Variants in TNR observed in about 807,000 individuals in gnomAD.
TNR encodes the protein tenascin-R.
TNR carries 45 observed loss-of-function variants against 150.4 expected under a neutral mutation model. The observed-to-expected ratio is 0.30, with a 90% CI of 0.24 to 0.38. TNR has a LOEUF of 0.38. Ranked by LOEUF, TNR falls within the 10% of genes least tolerant of loss-of-function variation. The pLI, the probability that TNR is intolerant of heterozygous loss-of-function variation, is 1.00. For synonymous variants in TNR, 687 were observed against 678.4 expected (o/e 1.01, Z -0.20); for missense variants, 1,544 against 1,759.1 (o/e 0.88, Z 2.19).
chr1:175,420,220 C>A (rs1165072070), intron 2 of TNR, among the ~76,000 whole-genome samples: 1 of 152,198 alleles, frequency 6.6e-6, no homozygotes, highest in Non-Finnish European at 1.5e-5. Flanking sequence ...ACTGACCAAC[C>A]CGTGGCTGTC....
chr1:175,409,023 A>AT (rs1654084828), intron 2 of TNR, among the ~76,000 whole-genome samples: 3 of 152,334 alleles, frequency 2.0e-5, no homozygotes, highest in East Asian at 3.9e-4. Flanking sequence ...TTGGAATCAA[A>AT]TTGCCCTCCT....
Position 175,331,067 on chromosome 1 carries a change from T to TTCCTTC in TNR, c.3632-833_3632-832insGAAGGA, listed in dbSNP as rs1291703152. 1.3e-3 allele frequency among the ~76,000 whole-genome samples: 169 copies of TTCCTTC among 128,800 alleles called. 3 individuals are homozygous for TTCCTTC. Among genetic ancestry groups the TTCCTTC allele is most frequent in the African/African-American group, 3.3e-3 (104 of 31,854 alleles). 84.5% of individuals were successfully genotyped at this position (128,800 alleles called of 152,430 possible). On this transcript the variant is annotated intron_variant, in intron 20 of 22. Transcript: ENST00000367674. ...TTTCTTTCTTTCTTTCTTTCTTTCTTTCTTTCTTTCCTTCTTTCTTTCTTT... is the reference window on the plus strand; with the variant it reads ...TTTCTTTCTTTCTTTCTTTCTTTCTTTCCTTCTCTTTCTTTCCTTCTTTCTTTCTTT...
At chr1:175,735,097 G>A (rs1667737607) in intron 1 of TNR, among the ~76,000 whole-genome samples, 1 of 152,246 alleles carries the variant, frequency 6.6e-6, no homozygotes, top group South Asian at 2.1e-4. Context: ...TGAGGAGACA[G>A]TCCCTTTATA....
chr1:175,354,225 T>C (rs1651208464), intron 18 of TNR, among the ~76,000 whole-genome samples, 166 bp downstream of exon 18: 1 of 152,142 alleles, frequency 6.6e-6, no homozygotes, highest in South Asian at 2.1e-4. Flanking sequence ...GCGGTTACCT[T>C]GTTAGTGAGA....
chr1:175,397,806 A>G (rs1653503309), intron 4 of TNR, among the ~76,000 whole-genome samples: 1 of 152,256 alleles, frequency 6.6e-6, no homozygotes, highest in Non-Finnish European at 1.5e-5. Context: ...ACAGAGAAAT[A>G]GACTTTTGTG....
At chr1:175,711,295 A>C (rs1016813679) in intron 1 of TNR, among the ~76,000 whole-genome samples, 4 of 152,108 alleles carry the variant, frequency 2.6e-5, no homozygotes, top group Non-Finnish European at 5.9e-5. Flanking sequence ...TGGGGAGATG[A>C]GGGCTGAAGC....
chr1:175,687,849 G>A (rs772811247), intron 1 of TNR, among the ~76,000 whole-genome samples: 8 of 151,246 alleles, frequency 5.3e-5, no homozygotes, highest in Non-Finnish European at 1.0e-4. Flanking sequence ...TGCTGTTAGC[G>A]CCCCCCACCA....
Position 175,505,286 on chromosome 1 carries a change from C to T in TNR, c.-64+22983G>A, listed in dbSNP as rs1202817361. On this transcript the variant is annotated intron_variant, in intron 2 of 22. Coordinates refer to ENST00000367674, the MANE Select transcript of TNR (RefSeq NM_003285.3). Reference sequence around the variant, plus strand: ...CCTGGCTCCCCTGCAGAACTCTTTCCCACTGGGCTTATCTCGGGCTTCCCC... The same window carrying T: ...CCTGGCTCCCCTGCAGAACTCTTTCTCACTGGGCTTATCTCGGGCTTCCCC... Among the ~76,000 whole-genome samples, 3 of 152,370 alleles carry T rather than the reference C, an allele frequency of 2.0e-5. No homozygotes were observed. In the East Asian group the frequency reaches 5.8e-4, roughly 29 times the overall value.
intron 1 of TNR, among the ~76,000 whole-genome samples, chr1:175,694,667 T>C (rs1049237608): frequency 1.3e-5 from 2 of 152,178 alleles, no homozygotes; most frequent in South Asian, 4.1e-4. Context: ...TATTTGGAGA[T>C]AGGGACTTTA....
intron 1 of TNR, among the ~76,000 whole-genome samples, chr1:175,557,468 T>G (rs528466586): frequency 9.2e-5 from 14 of 152,314 alleles, no homozygotes; most frequent in African/African-American, 2.9e-4. Flanking sequence ...ACATTTACCC[T>G]AACATCCCTT....
At chr1:175,720,609 T>C (rs1158982495) in intron 1 of TNR, among the ~76,000 whole-genome samples, 1 of 152,200 alleles carries the variant, frequency 6.6e-6, no homozygotes, top group Non-Finnish European at 1.5e-5. Flanking sequence ...TGAACTATTT[T>C]AAAAGGCATA....
chr1:175,331,157 T>TC (rs1557868523), intron 20 of TNR, among the ~76,000 whole-genome samples: 9 of 109,784 alleles, frequency 8.2e-5, no homozygotes, highest in African/African-American at 2.5e-4. Context: ...CTTTCTTTCT[T>TC]TTTCTTTCCT....
chr1:175,678,736 C>G (rs1665942259), intron 1 of TNR, among the ~76,000 whole-genome samples: 1 of 152,170 alleles, frequency 6.6e-6, no homozygotes. Flanking sequence ...GAGCCTAAAA[C>G]CAAAGGGCTT....
At chr1:175,558,057 G>T (rs1661248463) in intron 1 of TNR, among the ~76,000 whole-genome samples, 1 of 119,154 alleles carries the variant, frequency 8.4e-6, no homozygotes, top group African/African-American at 3.2e-5. Context: ...TCACTCATAG[G>T]TGGGAATTGA....
chr1:175,491,305 C>T (rs1403429136), intron 2 of TNR, among the ~76,000 whole-genome samples: 3 of 152,176 alleles, frequency 2.0e-5, no homozygotes, highest in African/African-American at 7.2e-5. Context: ...ATCTGTGTAG[C>T]TAACCACCAT....
intron 1 of TNR, among the ~76,000 whole-genome samples, chr1:175,683,711 A>G (rs942382642): frequency 6.6e-6 from 1 of 152,226 alleles, no homozygotes; most frequent in African/African-American, 2.4e-5. Flanking sequence ...GGGAAAGGAC[A>G]GATGAGGAAA....
intron 3 of TNR, among the ~76,000 whole-genome samples, chr1:175,404,863 T>C (rs1479926884): frequency 6.6e-6 from 1 of 152,250 alleles, no homozygotes; most frequent in African/African-American, 2.4e-5. Context: ...GGACTTGCTC[T>C]TCTGTTCTGC....
At chr1:175,491,885 G>A (rs1274452960) in intron 2 of TNR, among the ~76,000 whole-genome samples, 9 of 151,456 alleles carry the variant, frequency 5.9e-5, no homozygotes, top group African/African-American at 2.4e-5. Context: ...TCCTGACCTC[G>A]TGATCCGCCC....
In TNR at chr1:175,391,320, C is replaced by T. The variant is rs984032476; in HGVS notation, c.1475G>A (p.Arg492His). 11 of 1,614,058 alleles carry T rather than the reference C, an allele frequency of 6.8e-6. No homozygotes were observed. Among genetic ancestry groups the T allele is most frequent in the East Asian group, 6.7e-5 (3 of 44,878 alleles). The change falls in exon 7 of 23, where the codon CGC becomes CAC. Residue 492 changes from arginine to histidine, a missense_variant. Transcript: ENST00000367674. The part of the protein sequence containing the change: ...VNVVALKEQA[R>H]SPPTSASVST... ...GACGCTGGCCGAGGTAGGGGGGCTG[C>T]GGGCCTGTTCTTTCAGAGCCACCAC... is the stretch of plus-strand genomic sequence containing the variant.
Sources: gnomAD v4.1 joint callset for allele counts (sites outside exome capture counted in the v4.1 genomes callset) on GRCh38, gnomAD v4.1.1 for gene constraint, MANE v1.5 for transcripts, NCBI Gene and HGNC (gene_info 2026-07-23, HGNC 2026-07-21) for gene names.